Variants in NIPSNAP2 observed in about 807,000 individuals in gnomAD.
The protein encoded by NIPSNAP2 is nipsnap homolog 2.
A neutral mutation model predicts 48.4 loss-of-function variants in NIPSNAP2; 42 were observed. The observed-to-expected ratio is 0.87, with a 90% confidence interval of 0.68 to 1.12. NIPSNAP2 has a LOEUF of 1.12. NIPSNAP2 is among the 50% of genes most tolerant of loss of function. The probability of loss-of-function intolerance (pLI) is 0.00; values close to 1 mark genes in which losing one functional copy is unlikely to be tolerated. For synonymous variants in NIPSNAP2, 158 were observed against 126.6 expected (o/e 1.25, Z -1.67); for missense variants, 314 against 347.3 (o/e 0.90, Z 0.76).
At chr7:55,967,632 A>AT (rs375846854) in intron 1 of NIPSNAP2, among the ~76,000 whole-genome samples, 1 of 142,708 alleles carries the variant, frequency 7.0e-6, no homozygotes, top group Non-Finnish European at 1.5e-5. Context: ...ATGCCCAGCT[A>AT]TTATTTATTT....
intron 1 of NIPSNAP2, among the ~76,000 whole-genome samples, chr7:55,965,901 G>A (rs1251234370): frequency 6.6e-6 from 1 of 152,172 alleles, no homozygotes; most frequent in African/African-American, 2.4e-5. Flanking sequence ...AAAAAGATGA[G>A]TCTGACTTGG....
intron 1 of NIPSNAP2, among the ~76,000 whole-genome samples, chr7:55,977,584 T>C (rs557376039): frequency 1.3e-5 from 2 of 152,336 alleles, no homozygotes; most frequent in Non-Finnish European, 2.9e-5. Flanking sequence ...TGTACAATCA[T>C]CACCACTATC....
At chr7:55,981,416 C>G in intron 3 of NIPSNAP2, 57 bp from the exon 4 acceptor site, 1 of 1,235,242 alleles carries the variant, frequency 8.1e-7, no homozygotes, top group Non-Finnish European at 1.2e-6. Flanking sequence ...CAGGTGCTGT[C>G]CACCTGGTCA....
At chr7:55,986,474 C>G (rs1480717753) in intron 7 of NIPSNAP2, among the ~76,000 whole-genome samples, 1 of 152,016 alleles carries the variant, frequency 6.6e-6, no homozygotes. Context: ...CCAGCCTGAC[C>G]AACTTGGTGA....
At chr7:55,972,812 T>C (rs1390726105) in intron 1 of NIPSNAP2, among the ~76,000 whole-genome samples, 1 of 152,090 alleles carries the variant, frequency 6.6e-6, no homozygotes, top group African/African-American at 2.4e-5. Flanking sequence ...TTCATTTTTA[T>C]TGGAATATGG....
chr7:55,975,647 G>T (rs543512750), intron 1 of NIPSNAP2, among the ~76,000 whole-genome samples: 1 of 152,276 alleles, frequency 6.6e-6, no homozygotes, highest in South Asian at 2.1e-4. Context: ...TCAAAACTCA[G>T]TACTGTCTGC....
intron 1 of NIPSNAP2, among the ~76,000 whole-genome samples, chr7:55,969,709 C>T (rs970802966): frequency 1.8e-4 from 28 of 152,092 alleles, no homozygotes; most frequent in Admixed American, 1.1e-3. Flanking sequence ...TATTGCCGGG[C>T]GCGGTGGCTC....
rs111432465 is a variant in NIPSNAP2, at chr7:55,981,909, C to T, written c.374-301C>T. The T allele has an allele frequency of 5.8e-4, 186 of 319,414 alleles. 2 individuals are homozygous for T. The highest frequency in any genetic ancestry group is 3.6e-3 in the African/African-American group (172 of 47,380). The allele number at this position is 319,414 out of a possible 1,614,324, so 19.8% of individuals were successfully genotyped here. On this transcript the variant is annotated intron_variant, in intron 4 of 9. Coordinates refer to ENST00000322090, the MANE Select transcript of NIPSNAP2 (RefSeq NM_001483.3). The stretch of plus-strand genomic sequence containing the variant: ...GCGACCTCTGCCTCCCGGGTTTAAG[C>T]GATTCTTCTGCTTTAGCCTCCCAAG...
rs148394793 is a variant in NIPSNAP2, at chr7:55,991,721, G to A, written c.618-3173G>A. On this transcript the variant is annotated intron_variant, in intron 7 of 9. Transcript: ENST00000322090. Reference sequence around the variant, plus strand: ...CAAGATCGCACCATTGTACTCCACCGTGGGCAACAAGAGTGAAACTCTGTC... The same window carrying A: ...CAAGATCGCACCATTGTACTCCACCATGGGCAACAAGAGTGAAACTCTGTC... 4.5e-3 allele frequency: 784 copies of A among 172,652 alleles called. 12 individuals carry two copies. The highest frequency in any genetic ancestry group is 0.018 in the African/African-American group (714 of 40,224). The allele number at this position is 172,652 out of a possible 1,614,324, so 10.7% of individuals were successfully genotyped here. A position where few individuals can be genotyped will look rare whatever the true frequency, so the allele number is the denominator to read the frequency against.
At chr7:55,978,458 C>A in intron 3 of NIPSNAP2, 63 bp downstream of exon 3, 5 of 1,323,076 alleles carry the variant, frequency 3.8e-6, no homozygotes, top group Non-Finnish European at 4.2e-6. Flanking sequence ...TAGTTAATTC[C>A]ACTAACACTT....
chr7:55,984,713 G>A, intron 6 of NIPSNAP2, 134 bp from the exon 7 acceptor site: 1 of 668,442 alleles, frequency 1.5e-6, no homozygotes. Context: ...GCAAGATTCT[G>A]TCTCAAAAAA....
intron 9 of NIPSNAP2, among the ~76,000 whole-genome samples, chr7:55,998,493 GTTTTTTTTTTTTT>G (rs1164855630): frequency 1.6e-5 from 1 of 63,188 alleles, no homozygotes; most frequent in Non-Finnish European, 3.0e-5. Context: ...GGTAGGATCT[GTTTTTTTTTTTTT>G]TTTTTTTTTT....
chr7:55,982,585 A>T (rs1431061582), intron 5 of NIPSNAP2, among the ~76,000 whole-genome samples: 1 of 150,226 alleles, frequency 6.7e-6, no homozygotes, highest in African/African-American at 2.5e-5. Context: ...TGTCTCTACT[A>T]AAAAAAATAC....
chr7:55,994,355 A>G lies in NIPSNAP2; in HGVS notation c.618-539A>G, dbSNP rs185584087. ...CTGTTTTTATTTTTAATAATTATTA[A>G]ATACATTTTCTCAAAAAAATTAGTA... is the stretch of plus-strand genomic sequence containing the variant. On this transcript the variant is annotated intron_variant, in intron 7 of 9. Transcript: ENST00000322090. Among the ~76,000 whole-genome samples, 12 of 152,350 alleles carry G rather than the reference A, an allele frequency of 7.9e-5. No individual in the cohort carries two copies. In the East Asian group the frequency reaches 2.1e-3, roughly 27 times the overall value.
chr7:55,982,513 C>G (rs1360051104), intron 5 of NIPSNAP2, among the ~76,000 whole-genome samples: 1 of 152,054 alleles, frequency 6.6e-6, no homozygotes, highest in Non-Finnish European at 1.5e-5. Context: ...CTTTGGGAGG[C>G]CAAGGCAGGC....
chr7:55,971,351 T>A (rs78067000), intron 1 of NIPSNAP2, among the ~76,000 whole-genome samples: 1 of 152,200 alleles, frequency 6.6e-6, no homozygotes, highest in Non-Finnish European at 1.5e-5. Flanking sequence ...CAGGTTCTTT[T>A]GTGTGTGCTG....
chr7:55,965,690 C>T (rs1786879274), intron 1 of NIPSNAP2, among the ~76,000 whole-genome samples: 1 of 152,124 alleles, frequency 6.6e-6, no homozygotes, highest in African/African-American at 2.4e-5. Context: ...AAGTAATTCT[C>T]CTGCCTCATC....
At chr7:55,983,610 G>T in intron 5 of NIPSNAP2, 118 bp from the exon 6 acceptor site, 1 of 957,856 alleles carries the variant, frequency 1.0e-6, no homozygotes. Flanking sequence ...ACTGTCTCAG[G>T]CCAACTGGGA....
In NIPSNAP2 at chr7:55,993,575, T is replaced by TAA. The variant is rs11317055; in HGVS notation, c.618-1302_618-1301dup. ...GCCTGGGCAACAGCGAGACTCCATCTAAAAAAAAAAAAAAAAAAGCCGAGC... is the reference window on the plus strand; with the variant it reads ...GCCTGGGCAACAGCGAGACTCCATCTAAAAAAAAAAAAAAAAAAAAGCCGAGC... On this transcript the variant is annotated intron_variant, in intron 7 of 9. Coordinates refer to ENST00000322090, the MANE Select transcript of NIPSNAP2 (RefSeq NM_001483.3). Among the ~76,000 whole-genome samples the TAA allele has an allele frequency of 8.5e-3, 1,033 of 120,994 alleles. 15 individuals are homozygous for TAA. The highest frequency in any genetic ancestry group is 0.031 in the African/African-American group (984 of 31,576). The allele number at this position is 120,994 out of a possible 152,430, so 79.4% of individuals were successfully genotyped here.
Sources: allele counts gnomAD v4.1 joint callset (sites outside exome capture counted in the v4.1 genomes callset), GRCh38; gene constraint gnomAD v4.1.1; transcripts MANE v1.5; gene names NCBI Gene and HGNC (gene_info 2026-07-23, HGNC 2026-07-21).